FHIT: variants seen among roughly 807,000 people sequenced by gnomAD.
The protein encoded by FHIT is bis(5'-adenosyl)-triphosphatase.
A neutral mutation model predicts 17.9 loss-of-function variants in FHIT; 19 were observed. The observed-to-expected ratio is 1.06, with a 90% CI of 0.74 to 1.56. The LOEUF (loss-of-function observed/expected upper bound fraction) is 1.56, where lower values mean the gene tolerates loss of function less well. Among genes scored for constraint, FHIT ranks in the 40% most tolerant of loss-of-function variants. FHIT has a pLI of 0.00. For synonymous variants in FHIT, 81 were observed against 69.7 expected (o/e 1.16, Z -0.81); for missense variants, 248 against 189.2 (o/e 1.31, Z -1.82).
At chr3:60,715,428 T>G (rs2041657006) in intron 4 of FHIT, among the ~76,000 whole-genome samples, 1 of 152,062 alleles carries the variant, frequency 6.6e-6, no homozygotes, top group Admixed American at 6.5e-5. Context: ...CACCATGGAA[T>G]ACCATGCAGC....
intron 2 of FHIT, among the ~76,000 whole-genome samples, chr3:61,123,323 G>A (rs1276503611): frequency 6.6e-6 from 1 of 152,124 alleles, no homozygotes; most frequent in Non-Finnish European, 1.5e-5. Flanking sequence ...GACACAGGGA[G>A]GGGAACATCA....
chr3:59,841,802 G>A (rs180980719), intron 8 of FHIT, among the ~76,000 whole-genome samples: 48 of 152,162 alleles, frequency 3.2e-4, no homozygotes, highest in East Asian at 9.7e-4. Flanking sequence ...AAAACCAATC[G>A]TGCATTGAGA....
intron 8 of FHIT, among the ~76,000 whole-genome samples, chr3:59,766,432 C>T (rs1247912665): frequency 6.6e-6 from 1 of 152,162 alleles, no homozygotes; most frequent in Non-Finnish European, 1.5e-5. Flanking sequence ...TGATGTATCC[C>T]TTCACTGAAT....
chr3:60,927,253 G>A (rs7649527), intron 3 of FHIT, among the ~76,000 whole-genome samples: 5,891 of 152,238 alleles, frequency 0.039, 379 homozygotes, highest in African/African-American at 0.13. Context: ...TGCCCGCCTC[G>A]GCCTCCCGAG....
At chr3:59,923,692 C>T (rs1483378529) in intron 7 of FHIT, among the ~76,000 whole-genome samples, 1 of 152,160 alleles carries the variant, frequency 6.6e-6, no homozygotes, top group East Asian at 1.9e-4. Flanking sequence ...GAGAGGCAGA[C>T]AGAGGGTCAA....
chr3:60,188,133 T>A (rs1702237831), intron 5 of FHIT, among the ~76,000 whole-genome samples: 1 of 151,524 alleles, frequency 6.6e-6, no homozygotes, highest in Non-Finnish European at 1.5e-5. Context: ...TTTTCTGATT[T>A]CAACATAGTA....
At chr3:60,116,169 T>C (rs1342901003) in intron 5 of FHIT, among the ~76,000 whole-genome samples, 1 of 152,160 alleles carries the variant, frequency 6.6e-6, no homozygotes, top group East Asian at 1.9e-4. Context: ...TACAAAGACA[T>C]TCCTGACATT....
chr3:60,221,215 TTCA>T (rs1703942313), intron 5 of FHIT, among the ~76,000 whole-genome samples: 1 of 152,172 alleles, frequency 6.6e-6, no homozygotes, highest in Non-Finnish European at 1.5e-5. Context: ...TTCTTCCTTT[TTCA>T]TCAACTAACA....
chr3:61,070,343 G>A (rs1330781624), intron 2 of FHIT, among the ~76,000 whole-genome samples: 1 of 152,192 alleles, frequency 6.6e-6, no homozygotes, highest in Non-Finnish European at 1.5e-5. Flanking sequence ...ACCAGAGGAT[G>A]GAGCCCAGAG....
intron 4 of FHIT, among the ~76,000 whole-genome samples, chr3:60,576,964 A>ACACC (rs1339604641): frequency 6.6e-6 from 1 of 151,492 alleles, no homozygotes; most frequent in East Asian, 1.9e-4. Context: ...ACACACACAC[A>ACACC]CACACACACA....
chr3:61,247,358 C>T lies in FHIT; in HGVS notation c.-213+3943G>A, dbSNP rs143748618. Among the ~76,000 whole-genome samples the T allele has an allele frequency of 1.2e-3, 177 of 152,286 alleles. 1 individual carries two copies. The highest frequency in any genetic ancestry group is 2.2e-3 in the African/African-American group (92 of 41,550). ...AGAAAGAAGCACTGCCACATCCCCA[C>T]GGTCATTGCCCCAGGATTACTCACC... On this transcript the variant is annotated intron_variant, in intron 1 of 9. Coordinates refer to ENST00000492590, the MANE Select transcript of FHIT (RefSeq NM_002012.4).
intron 5 of FHIT, among the ~76,000 whole-genome samples, chr3:60,252,520 T>C (rs1174855159): frequency 6.6e-6 from 1 of 152,158 alleles, no homozygotes; most frequent in East Asian, 1.9e-4. Context: ...GGCATGATCA[T>C]GCTACTGCAC....
chr3:60,074,681 C>T (rs1252756383), intron 5 of FHIT, among the ~76,000 whole-genome samples: 1 of 151,776 alleles, frequency 6.6e-6, no homozygotes, highest in African/African-American at 2.4e-5. Flanking sequence ...AAACAACATG[C>T]ACTTTAAAAG....
intron 5 of FHIT, among the ~76,000 whole-genome samples, chr3:60,229,103 C>A (rs17062548): frequency 1.1e-3 from 162 of 152,260 alleles, no homozygotes; most frequent in African/African-American, 3.8e-3. Context: ...TGCAGAAACT[C>A]AGGGACAGTG....
chr3:60,960,408 T>A (rs193010304), intron 3 of FHIT, among the ~76,000 whole-genome samples: 92 of 152,318 alleles, frequency 6.0e-4, no homozygotes, highest in Non-Finnish European at 1.1e-3. Context: ...CCAGTCATGA[T>A]GACTATTATT....
intron 4 of FHIT, among the ~76,000 whole-genome samples, chr3:60,782,219 TTGTG>T (rs538033687): frequency 3.8e-4 from 55 of 144,082 alleles, no homozygotes; most frequent in African/African-American, 5.3e-4. Context: ...GAATATTTCA[TTGTG>T]TGTGTGTGTG....
At chr3:60,861,438 C>G (rs1295050384) in intron 3 of FHIT, among the ~76,000 whole-genome samples, 1 of 150,704 alleles carries the variant, frequency 6.6e-6, no homozygotes. Context: ...GAGCAGCATC[C>G]CTGGCCTCTA....
intron 5 of FHIT, among the ~76,000 whole-genome samples, chr3:60,167,068 T>C (rs2107387354): frequency 6.6e-6 from 1 of 152,314 alleles, no homozygotes; most frequent in Non-Finnish European, 1.5e-5. Context: ...GTTATTCACA[T>C]GAAGGAGTCT....
chr3:60,648,252 G>C (rs1385820879), intron 4 of FHIT, among the ~76,000 whole-genome samples: 1 of 152,130 alleles, frequency 6.6e-6, no homozygotes, highest in Non-Finnish European at 1.5e-5. Flanking sequence ...GGACTGAACT[G>C]CGCTTTTGTT....
Sources: gnomAD v4.1 joint callset for allele counts (sites outside exome capture counted in the v4.1 genomes callset) on GRCh38, gnomAD v4.1.1 for gene constraint, MANE v1.5 for transcripts, NCBI Gene and HGNC (gene_info 2026-07-23, HGNC 2026-07-21) for gene names.